DLC1: variants seen among roughly 807,000 people sequenced by gnomAD.
The protein encoded by DLC1 is DLC1 Rho GTPase activating protein, also known as rho GTPase-activating protein 7.
DLC1 carries 54 observed loss-of-function variants against 140.3 expected under a neutral mutation model. That is an observed-to-expected ratio of 0.38 (90% confidence interval 0.31 to 0.48). The LOEUF (loss-of-function observed/expected upper bound fraction) is 0.48, where lower values mean the gene tolerates loss of function less well. Among genes scored for constraint, DLC1 ranks in the 20% least tolerant of loss-of-function variants. The probability of loss-of-function intolerance (pLI) is 0.96; values close to 1 mark genes in which losing one functional copy is unlikely to be tolerated. For missense variants in DLC1, 2,536 were observed against 1,907.0 expected (o/e 1.33, Z -6.14); for synonymous variants, 986 against 728.1 (o/e 1.35, Z -5.70).
intron 2 of DLC1, among the ~76,000 whole-genome samples, chr8:13,494,854 G>A (rs1801429963): frequency 6.6e-6 from 1 of 152,126 alleles, no homozygotes; most frequent in African/African-American, 2.4e-5. Flanking sequence ...AGGAGGCTGA[G>A]GCAGGAGAAT....
chr8:13,453,408 ATATATATATATATATG>A (rs1799174043), intron 2 of DLC1, among the ~76,000 whole-genome samples: 2 of 52,346 alleles, frequency 3.8e-5, no homozygotes, highest in Non-Finnish European at 6.0e-5. Context: ...ATATGTGTAT[ATATATATATATATATG>A]TGTATATATA....
At chr8:13,098,628 ATTTAT>A in intron 9 of DLC1, 53 bp from the exon 10 acceptor site, 1 of 1,534,584 alleles carries the variant, frequency 6.5e-7, no homozygotes, top group Non-Finnish European at 8.8e-7. Flanking sequence ...ATTTGATTTT[ATTTAT>A]TTTATTTTTT....
At chr8:13,449,774 C>G (rs1322486801) in intron 2 of DLC1, among the ~76,000 whole-genome samples, 1 of 151,916 alleles carries the variant, frequency 6.6e-6, no homozygotes, top group African/African-American at 2.4e-5. Context: ...ACATATGTAA[C>G]TAACCTGCAC....
chr8:13,582,743 A>G (rs1288619062), intron 1 of DLC1, among the ~76,000 whole-genome samples: 1 of 151,312 alleles, frequency 6.6e-6, no homozygotes, highest in Non-Finnish European at 1.5e-5. Context: ...TGACTAATAC[A>G]GTACAGGAAC....
chr8:13,485,641 T>C (rs1800937476), intron 2 of DLC1, among the ~76,000 whole-genome samples: 1 of 152,196 alleles, frequency 6.6e-6, no homozygotes, highest in Non-Finnish European at 1.5e-5. Flanking sequence ...GAAAGACGTA[T>C]GTGAAAGTTA....
intron 1 of DLC1, among the ~76,000 whole-genome samples, chr8:13,603,488 G>C (rs1425624857): frequency 1.3e-5 from 2 of 151,784 alleles, no homozygotes; most frequent in African/African-American, 4.8e-5. Context: ...GGTATTGTAA[G>C]ATTAATTTTG....
intron 1 of DLC1, among the ~76,000 whole-genome samples, chr8:13,581,309 C>T (rs7004858): frequency 0.14 from 21,969 of 152,120 alleles, 1,678 homozygotes; most frequent in African/African-American, 0.19. Context: ...GAGGAAAAAA[C>T]GGAACCATTT....
chr8:13,119,509 G>A (rs1283622815), intron 5 of DLC1, among the ~76,000 whole-genome samples: 1 of 152,138 alleles, frequency 6.6e-6, no homozygotes, highest in Non-Finnish European at 1.5e-5. Context: ...TCACTTTACT[G>A]AGTGCTTAAT....
rs538549089 is a variant in DLC1, at chr8:13,272,756, C to A, written c.1348+32513G>T. 1.2e-4 allele frequency among the ~76,000 whole-genome samples: 19 copies of A among 152,150 alleles called. No homozygotes were observed. In the East Asian group the frequency reaches 3.7e-3, roughly 30 times the overall value. On this transcript the variant is annotated intron_variant, in intron 5 of 17. Coordinates refer to ENST00000276297, the MANE Select transcript of DLC1 (RefSeq NM_182643.3). ...GGGCGTGGTGGTGGGCGCCTGTAGT[C>A]CCAGCTGCTCGGGAGGCTGAGGCAA... is the stretch of plus-strand genomic sequence containing the variant.
intron 2 of DLC1, among the ~76,000 whole-genome samples, chr8:13,436,989 C>T (rs1407541624): frequency 6.6e-6 from 1 of 152,106 alleles, no homozygotes; most frequent in Admixed American, 6.5e-5. Context: ...TATTTAACAC[C>T]TTTGGTTTTG....
chr8:13,549,754 T>G (rs939006945), intron 1 of DLC1, among the ~76,000 whole-genome samples: 1 of 152,074 alleles, frequency 6.6e-6, no homozygotes, highest in Non-Finnish European at 1.5e-5. Context: ...AGGGTGTTAC[T>G]GCCAAAAAAG....
intron 1 of DLC1, among the ~76,000 whole-genome samples, chr8:13,595,916 T>G (rs1805665954): frequency 6.6e-6 from 1 of 152,036 alleles, no homozygotes; most frequent in South Asian, 2.1e-4. Context: ...AATTTTCATT[T>G]CTAAATATAT....
chr8:13,561,421 C>G (rs1486314945), intron 1 of DLC1, among the ~76,000 whole-genome samples: 1 of 152,102 alleles, frequency 6.6e-6, no homozygotes, highest in Non-Finnish European at 1.5e-5. Context: ...CTTAAAGATC[C>G]TCCTGCTTCA....
upstream of DLC1, among the ~76,000 whole-genome samples, chr8:13,516,375 C>A (rs1802586015): frequency 1.3e-5 from 2 of 152,298 alleles, no homozygotes; most frequent in South Asian, 4.1e-4. Flanking sequence ...TCATTGTTCA[C>A]TGTTATTCTC....
intron 2 of DLC1, among the ~76,000 whole-genome samples, chr8:13,431,308 C>T (rs390633): frequency 0.022 from 3,274 of 151,274 alleles, 126 homozygotes; most frequent in African/African-American, 0.075. Context: ...ACGGTGAAAC[C>T]CCATCTCTAC....
At position 13,298,784 on chromosome 8, in the gene DLC1, G is replaced by A. The variant is rs534274181; in HGVS notation, c.1348+6485C>T. 4.6e-5 allele frequency among the ~76,000 whole-genome samples: 7 copies of A among 152,214 alleles called. 1 individual carries two copies. Among genetic ancestry groups the A allele is most frequent in the African/African-American group, 1.4e-4 (6 of 41,536 alleles). On this transcript the variant is annotated intron_variant, in intron 5 of 17. Transcript: ENST00000276297. ...GCACTATGCTCACTACTTGAGTGAC[G>A]GGGAAAGCTGGACCCCAAACATCTG...
chr8:13,542,634 G>A (rs1803523159), intron 1 of DLC1, among the ~76,000 whole-genome samples: 1 of 151,640 alleles, frequency 6.6e-6, no homozygotes, highest in South Asian at 2.1e-4. Flanking sequence ...ACATGGGAGA[G>A]CTACACATTT....
intron 4 of DLC1, among the ~76,000 whole-genome samples, chr8:13,359,467 C>T (rs532611245): frequency 5.3e-5 from 8 of 152,234 alleles, no homozygotes; most frequent in South Asian, 2.1e-4. Flanking sequence ...TATGCACCTG[C>T]GGCTCTGCTT....
intron 4 of DLC1, chr8:13,341,957 T>C (rs1202228497): frequency 6.6e-6 from 1 of 152,222 alleles, no homozygotes; most frequent in African/African-American, 2.4e-5. Context: ...CTGCTTTCTA[T>C]TCTACAAGCT....
Sources: allele counts gnomAD v4.1 joint callset (sites outside exome capture counted in the v4.1 genomes callset), GRCh38; gene constraint gnomAD v4.1.1; transcripts MANE v1.5; gene names NCBI Gene and HGNC (gene_info 2026-07-23, HGNC 2026-07-21).